The following LIAS variants were observed in gnomAD, a reference collection of about 807,000 sequenced individuals.
The protein encoded by LIAS is lipoic acid synthetase, also known as lipoyl synthase, mitochondrial.
LIAS carries 36 observed loss-of-function variants against 49.4 expected under a neutral mutation model. That is an observed-to-expected ratio of 0.73 (90% CI 0.56 to 0.96). The LOEUF is 0.96. Ranked by LOEUF, LIAS falls within the 40% of genes least tolerant of loss-of-function variation. The pLI is 0.00. For missense variants in LIAS, 399 were observed against 456.3 expected (o/e 0.87, Z 1.14); for synonymous variants, 145 against 155.8 (o/e 0.93, Z 0.52).
chr4:39,474,262 CAA>C (rs34137564), intron 10 of LIAS, among the ~76,000 whole-genome samples: 25 of 92,362 alleles, frequency 2.7e-4, no homozygotes, highest in Admixed American at 5.1e-4. Flanking sequence ...GACTCTGTCT[CAA>C]AAAAAAAAAA....
At chr4:39,470,437 C>A in intron 8 of LIAS, 1 of 289,360 alleles carries the variant, frequency 3.5e-6, no homozygotes, top group Non-Finnish European at 6.6e-6. Context: ...CCATCCTTTG[C>A]ATCCACTGAA....
At position 39,465,147 on chromosome 4, in the gene LIAS, G is replaced by A. The variant is rs1203792133; in HGVS notation, c.495G>A (p.Lys165=). 6.2e-7 allele frequency: 1 copy of A among 1,614,198 alleles called. No individual in the cohort carries two copies. The highest frequency in any genetic ancestry group is 8.5e-7 in the Non-Finnish European group (1 of 1,180,018). Residue 165 remains lysine (K), a synonymous_variant, in exon 5 of 11, where the codon AAG becomes AAA. Coordinates refer to ENST00000640888, the MANE Select transcript of LIAS (RefSeq NM_006859.4). ...LDASEPYNTA[K]AIAEWGLDYV... ...CCAGTGAGCCCTACAATACTGCAAA[G>A]GCAATTGCAGAATGGGGTCTGGATT...
chr4:39,473,056 A>T, intron 9 of LIAS, 44 bp from the exon 10 acceptor site: 1 of 1,159,938 alleles, frequency 8.6e-7, no homozygotes, highest in Non-Finnish European at 1.3e-6. Context: ...GCAGAATCAA[A>T]GTGGAATTCT....
In LIAS at chr4:39,477,590, T is replaced by C. The variant is rs1745242882; in HGVS notation, c.*475T>C. The C allele has an allele frequency of 6.5e-6, 1 of 153,368 alleles. No individual in the cohort carries two copies. Among genetic ancestry groups the C allele is most frequent in the Non-Finnish European group, 1.4e-5 (1 of 68,976 alleles). 9.5% of individuals were successfully genotyped at this position (153,368 alleles called of 1,614,324 possible). A position where few individuals can be genotyped will look rare whatever the true frequency, so the allele number is the denominator to read the frequency against. Reference sequence around the variant, plus strand: ...TACAAATTTAATTACAGTAATTCATTTGGCTTTTAGTGTATCTTCTTTGTC... The same window carrying C: ...TACAAATTTAATTACAGTAATTCATCTGGCTTTTAGTGTATCTTCTTTGTC... On this transcript the variant is annotated 3_prime_UTR_variant, in exon 11 of 11. Coordinates refer to ENST00000640888, the MANE Select transcript of LIAS (RefSeq NM_006859.4).
rs1173631336 is a variant in LIAS, at chr4:39,478,311, C to G, written c.*1196C>G. 1 of 152,160 alleles carries G rather than the reference C, an allele frequency of 6.6e-6. No individual in the cohort carries two copies. The highest frequency in any genetic ancestry group is 2.4e-5 in the African/African-American group (1 of 41,436). 9.4% of individuals were successfully genotyped at this position (152,160 alleles called of 1,614,324 possible). ...CTGAGGTCGGGAGTTTGAGAACAGCCTGGCCAACCTGGTGAAACTCCATTG... is the reference window on the plus strand; with the variant it reads ...CTGAGGTCGGGAGTTTGAGAACAGCGTGGCCAACCTGGTGAAACTCCATTG... On this transcript the variant is annotated 3_prime_UTR_variant, in exon 11 of 11. Transcript: ENST00000640888.
chr4:39,465,859 A>G (rs1303844092), intron 6 of LIAS, among the ~76,000 whole-genome samples: 1 of 152,034 alleles, frequency 6.6e-6, no homozygotes, highest in African/African-American at 2.4e-5. Context: ...GGGTTTGACC[A>G]TGTTGGCCAG....
chr4:39,464,483 AT>A (rs1744680484), intron 4 of LIAS, among the ~76,000 whole-genome samples: 1 of 151,772 alleles, frequency 6.6e-6, no homozygotes, highest in Admixed American at 6.6e-5. Context: ...TTAGAATCCC[AT>A]TTTTCAGTTG....
chr4:39,470,238 C>A, intron 8 of LIAS, 74 bp downstream of exon 8: 2 of 1,313,032 alleles, frequency 1.5e-6, no homozygotes, highest in Admixed American at 2.3e-5. Flanking sequence ...ACTTTGAAGG[C>A]CCTTCTAAGA....
intron 2 of LIAS, 71 bp downstream of exon 2, chr4:39,461,033 C>A (rs1744475037): frequency 4.7e-6 from 6 of 1,283,762 alleles, no homozygotes; most frequent in Non-Finnish European, 5.3e-6. Flanking sequence ...TATAACCAAG[C>A]CCTAGAATCT....
chr4:39,466,735 G>C (rs1744773219), intron 6 of LIAS: 1 of 152,004 alleles, frequency 6.6e-6, no homozygotes, highest in African/African-American at 2.4e-5. Flanking sequence ...AAAATTATAG[G>C]ATATGTTCTT....
At position 39,467,553 on chromosome 4, in the gene LIAS, A is replaced by G; in HGVS notation, c.644A>G (p.Asp215Gly). The change falls in exon 7 of 11, where the codon GAT becomes GGT. Residue 215 changes from aspartate to glycine, a missense_variant. Transcript: ENST00000640888. ...PKILVECLTP[D>G]FRGDLKAIEK... The stretch of plus-strand genomic sequence containing the variant: ...ATCCTTGTGGAGTGTCTTACTCCTG[A>G]TTTTCGAGGTGATCTCAAAGCAATA... 1 of 1,607,682 alleles carries G rather than the reference A, an allele frequency of 6.2e-7. No homozygotes were observed. The highest frequency in any genetic ancestry group is 8.5e-7 in the Non-Finnish European group (1 of 1,176,980).
At chr4:39,474,195 C>T (rs6837580) in intron 10 of LIAS, among the ~76,000 whole-genome samples, 47,094 of 148,682 alleles carry the variant, frequency 0.32, 8,199 homozygotes, top group South Asian at 0.46. Context: ...CCCAGGAGGC[C>T]GAGCTTGCAG....
At position 39,471,271 on chromosome 4, in the gene LIAS, G is replaced by A; in HGVS notation, c.919G>A (p.Gly307Arg). 6.2e-7 allele frequency: 1 copy of A among 1,611,604 alleles called. No individual in the cohort carries two copies. The highest frequency in any genetic ancestry group is 8.5e-7 in the Non-Finnish European group (1 of 1,178,918). ...GGCAGATGTAGACTGCTTGACTTTAGGACAATATATGCAGCCAACAAGGCG... is the reference window on the plus strand; with the variant it reads ...GGCAGATGTAGACTGCTTGACTTTAAGACAATATATGCAGCCAACAAGGCG... ...READVDCLTL[G>R]QYMQPTRRHL... Residue 307 changes from glycine (G) to arginine (R), a missense_variant, in exon 9 of 11, where the codon GGA becomes AGA. Coordinates refer to ENST00000640888, the MANE Select transcript of LIAS (RefSeq NM_006859.4).
chr4:39,477,266 C>A lies in LIAS; in HGVS notation c.*151C>A. The stretch of plus-strand genomic sequence containing the variant: ...GTCAATAGCCAGGCATAGTGGCTCA[C>A]GCCTGTAATCCCAGCACTTTAGGAG... On this transcript the variant is annotated 3_prime_UTR_variant, in exon 11 of 11. Transcript: ENST00000640888. 2 of 610,488 alleles carry A rather than the reference C, an allele frequency of 3.3e-6. No individual in the cohort carries two copies. The highest frequency in any genetic ancestry group is 5.7e-6 in the Non-Finnish European group (2 of 349,844). 37.8% of individuals were successfully genotyped at this position (610,488 alleles called of 1,614,324 possible). A position where few individuals can be genotyped will look rare whatever the true frequency, so the allele number is the denominator to read the frequency against.
In LIAS at chr4:39,477,032, A is replaced by G. The variant is rs375794442; in HGVS notation, c.1067-31A>G. 1.8e-5 allele frequency: 24 copies of G among 1,367,904 alleles called. No individual in the cohort carries two copies. In the African/African-American group the frequency reaches 3.4e-4, roughly 19 times the overall value. The allele number at this position is 1,367,904 out of a possible 1,614,324, so 84.7% of individuals were successfully genotyped here. A position where few individuals can be genotyped will look rare whatever the true frequency, so the allele number is the denominator to read the frequency against. The stretch of plus-strand genomic sequence containing the variant: ...TCTCACTGTTATTTACTTTAAATTG[A>G]TATTAATGTGTTTTCCTTTTTCCTA... On this transcript the variant is annotated intron_variant, in intron 10 of 10. Transcript: ENST00000640888.
At chr4:39,466,292 G>T (rs912897515) in intron 6 of LIAS, 6 of 151,964 alleles carry the variant, frequency 3.9e-5, no homozygotes, top group Admixed American at 3.3e-4. Context: ...GCACCTAAGC[G>T]CACTTAGTAA....
intron 4 of LIAS, among the ~76,000 whole-genome samples, chr4:39,464,452 C>G (rs1744678498): frequency 6.6e-6 from 1 of 152,158 alleles, no homozygotes; most frequent in Non-Finnish European, 1.5e-5. Context: ...GAATACCCCT[C>G]TGTACCCCCT....
intron 7 of LIAS, chr4:39,468,517 ATATATT>A (rs1412089658): frequency 7.2e-6 from 1 of 138,370 alleles, no homozygotes; most frequent in Admixed American, 7.5e-5. Flanking sequence ...ATATATATAT[ATATATT>A]TTTTTATATT....
chr4:39,476,180 C>T (rs1327838377), intron 10 of LIAS: 1 of 152,076 alleles, frequency 6.6e-6, no homozygotes, highest in Non-Finnish European at 1.5e-5. Context: ...CTGATGCTTT[C>T]TAAATTACCA....
Sources: gnomAD v4.1 joint callset for allele counts (sites outside exome capture counted in the v4.1 genomes callset) on GRCh38, gnomAD v4.1.1 for gene constraint, MANE v1.5 for transcripts, NCBI Gene and HGNC (gene_info 2026-07-23, HGNC 2026-07-21) for gene names.